NFKBIE: variants seen among roughly 807,000 people sequenced by gnomAD.
NFKBIE encodes NF-kappa-B inhibitor epsilon.
A neutral mutation model predicts 31.6 loss-of-function variants in NFKBIE; 11 were observed. The observed-to-expected ratio is 0.35, with a 90% CI of 0.22 to 0.58. The LOEUF is 0.58. Ranked by LOEUF, NFKBIE falls within the 20% of genes least tolerant of loss-of-function variation. The pLI, the probability that NFKBIE is intolerant of heterozygous loss-of-function variation, is 0.83. For synonymous variants in NFKBIE, 208 were observed against 210.1 expected, an observed-to-expected ratio of 0.99 and a Z score of 0.09; for missense variants, 354 against 465.7, an observed-to-expected ratio of 0.76 and a Z score of 2.21.
chr6:44,265,506 C>T lies in NFKBIE; in HGVS notation c.-160G>A. 1 of 1,545,626 alleles carries T rather than the reference C, an allele frequency of 6.5e-7. No homozygotes were observed. Reference sequence around the variant, plus strand: ...GGGGCTCCGAGGGGCCGGCGCGCAGCGAGGACAAGGTTCGGAGCGCTGGCC... The same window carrying T: ...GGGGCTCCGAGGGGCCGGCGCGCAGTGAGGACAAGGTTCGGAGCGCTGGCC... On this transcript the variant is annotated 5_prime_UTR_variant, in exon 1 of 6. Transcript: ENST00000619360.
intron 5 of NFKBIE, 119 bp downstream of exon 5, chr6:44,259,924 G>C: frequency 7.1e-7 from 1 of 1,417,926 alleles, no homozygotes; most frequent in South Asian, 1.5e-5. Context: ...CAGTTGGTCA[G>C]TGGCAGAGTC....
Position 44,261,605 on chromosome 6 carries a change from A to T in NFKBIE, c.691+21T>A, listed in dbSNP as rs780811719. 6.2e-7 allele frequency: 1 copy of T among 1,609,376 alleles called. No individual in the cohort carries two copies. The highest frequency in any genetic ancestry group is 1.1e-5 in the South Asian group (1 of 90,828). On this transcript the variant is annotated intron_variant, in intron 3 of 5. Transcript: ENST00000619360. This position sits in a 1 kb window ranked among gnomAD's most constrained non-coding sequence, Gnocchi z 4.3. ...TCCTCATCCCACAGGCCCTAAGGGC[A>T]GTCTTAAAGACTGTCCACACCTTGC...
At chr6:44,259,364 T>A (rs1420251627) in intron 5 of NFKBIE, 80 bp from the exon 6 acceptor site, 4 of 1,009,154 alleles carry the variant, frequency 4.0e-6, no homozygotes, top group Non-Finnish European at 6.3e-6. Context: ...GGGAAACCTG[T>A]TGGGCCACTC....
rs1554142187 is a variant in NFKBIE at position 44,260,864 on chromosome 6, C to CACACAG, written c.692-326_692-325insCTGTGT. On this transcript the variant is annotated intron_variant, in intron 3 of 5. Coordinates refer to ENST00000619360, the MANE Select transcript of NFKBIE (RefSeq NM_004556.3). The surrounding 1 kb of genome is among the most constrained non-coding windows in gnomAD (Gnocchi z 5.5). ...ACACACACACACACACATACAGACA[C>CACACAG]ACACACACACACACACACACACACA... Among the ~76,000 whole-genome samples the CACACAG allele has an allele frequency of 0.04, 4,237 of 107,190 alleles. 112 individuals carry two copies. The highest frequency in any genetic ancestry group is 0.075 in the Admixed American group (903 of 12,050). The allele number at this position is 107,190 out of a possible 152,430, so 70.3% of individuals were successfully genotyped here.
At position 44,261,645 on chromosome 6, in the gene NFKBIE, G is replaced by A; in HGVS notation, c.672C>T (p.Leu224=). The A allele has an allele frequency of 9.3e-6, 15 of 1,614,170 alleles. 1 individual carries two copies. Among genetic ancestry groups the A allele is most frequent in the Non-Finnish European group, 1.3e-5 (15 of 1,180,006 alleles). ...CCACACCTTGCCAGTTTTGCAGCTG[G>A]AGGTCCAGAGAGTGAGATGTTCCTC... ...PGRGTSHSLD[L]QLQNWQGLAC... is the part of the protein sequence containing the mutation. Residue 224 remains leucine, a synonymous_variant, in exon 3 of 6, where the codon CTC becomes CTT. Coordinates refer to ENST00000619360, the MANE Select transcript of NFKBIE (RefSeq NM_004556.3). The surrounding 1 kb of genome is among the most constrained non-coding windows in gnomAD (Gnocchi z 4.3).
rs961453119 is a variant in NFKBIE at position 44,265,296 on chromosome 6, G to A, written c.51C>T (p.Asp17=). 2 of 1,549,398 alleles carry A rather than the reference G, an allele frequency of 1.3e-6. No individual in the cohort carries two copies. The highest frequency in any genetic ancestry group is 1.4e-5 in the African/African-American group (1 of 73,344). The part of the protein sequence containing the change: ...GPDEAEESQY[D]SGIESLRSLR... ...GAGAGCGCAGAGACTCAATGCCAGAGTCGTACTGGCTCTCCTCCGCCTCGT... is the reference window on the plus strand; with the variant it reads ...GAGAGCGCAGAGACTCAATGCCAGAATCGTACTGGCTCTCCTCCGCCTCGT... Residue 17 remains aspartate (D), a synonymous_variant, in exon 1 of 6, where the codon GAC becomes GAT. Transcript: ENST00000619360.
rs1210522906 is a variant in NFKBIE, at chr6:44,265,351, G to A, written c.-5C>T. ...CCCCTTCCGCGCCTCCGACATGCCC[G>A]CGGCTCTGGCCGGCCGGGGCCCGGT... On this transcript the variant is annotated 5_prime_UTR_variant, in exon 1 of 6. Coordinates refer to ENST00000619360, the MANE Select transcript of NFKBIE (RefSeq NM_004556.3). The A allele has an allele frequency of 1.3e-6, 2 of 1,557,902 alleles. No homozygotes were observed. The highest frequency in any genetic ancestry group is 1.7e-6 in the Non-Finnish European group (2 of 1,157,614).
chr6:44,261,902 G>A lies in NFKBIE; in HGVS notation c.469-54C>T, dbSNP rs1194525358. 3 of 1,502,546 alleles carry A rather than the reference G, an allele frequency of 2.0e-6. No homozygotes were observed. Among genetic ancestry groups the A allele is most frequent in the African/African-American group, 2.8e-5 (2 of 72,542 alleles). The allele number at this position is 1,502,546 out of a possible 1,614,324, so 93.1% of individuals were successfully genotyped here. A position where few individuals can be genotyped will look rare whatever the true frequency, so the allele number is the denominator to read the frequency against. ...CCACTGCAGCATGCTCCCACCTCTG[G>A]GAACATGCTTGGGCTCAAGAATCAC... is the stretch of plus-strand genomic sequence containing the variant. On this transcript the variant is annotated intron_variant, in intron 2 of 5. Transcript: ENST00000619360. This position sits in a 1 kb window ranked among gnomAD's most constrained non-coding sequence, Gnocchi z 4.3.
At position 44,265,218 on chromosome 6, in the gene NFKBIE, G is replaced by A; in HGVS notation, c.129C>T (p.Gly43=). 1 of 1,552,142 alleles carries A rather than the reference G, an allele frequency of 6.4e-7. No homozygotes were observed. The highest frequency in any genetic ancestry group is 8.7e-7 in the Non-Finnish European group (1 of 1,147,290). Residue 43 remains glycine, a synonymous_variant, in exon 1 of 6, where the codon GGC becomes GGT. Coordinates refer to ENST00000619360, the MANE Select transcript of NFKBIE (RefSeq NM_004556.3). Reference sequence around the variant, plus strand: ...GAGGATGGGTGCAGGGCTGGGGGCTGCCGTCCGAGGGCCCGGAGGCTGGAG... The same window carrying A: ...GAGGATGGGTGCAGGGCTGGGGGCTACCGTCCGAGGGCCCGGAGGCTGGAG... ...TSAPASGPSD[G]SPQPCTHPPG...
At position 44,265,373 on chromosome 6, in the gene NFKBIE, C is replaced by T. The variant is rs377641691; in HGVS notation, c.-27G>A. ...CCCGCGGCTCTGGCCGGCCGGGGCC[C>T]GGTCTGAGCAGGATCCGGCTCCAGG... On this transcript the variant is annotated 5_prime_UTR_variant, in exon 1 of 6. Transcript: ENST00000619360. The T allele has an allele frequency of 1.9e-6, 3 of 1,564,020 alleles. No individual in the cohort carries two copies. Among genetic ancestry groups the T allele is most frequent in the Middle Eastern group, 2.1e-4 (1 of 4,744 alleles).
Position 44,260,441 on chromosome 6 carries a change from G to C in NFKBIE, c.780+10C>G, listed in dbSNP as rs753841899. On this transcript the variant is annotated intron_variant, in intron 4 of 5. Coordinates refer to ENST00000619360, the MANE Select transcript of NFKBIE (RefSeq NM_004556.3). The surrounding 1 kb of genome is among the most constrained non-coding windows in gnomAD (Gnocchi z 5.5). ...CCCTGGGCCGGGCAGTGCTTTGCTG[G>C]CTGTCTCACCTGCACATCAATGTCA... is the stretch of plus-strand genomic sequence containing the variant. 58 of 1,614,180 alleles carry C rather than the reference G, an allele frequency of 3.6e-5. No homozygotes were observed. Among genetic ancestry groups the C allele is most frequent in the Non-Finnish European group, 4.8e-5 (57 of 1,180,006 alleles).
chr6:44,260,207 G>A lies in NFKBIE; in HGVS notation c.856C>T (p.Gln286Ter), dbSNP rs1437215028. ...CGGGCATCTACCTGGGCACCAGCCTGGAGCAGGAACTGTACCAGGCCCCGC... is the reference window on the plus strand; with the variant it reads ...CGGGCATCTACCTGGGCACCAGCCTAGAGCAGGAACTGTACCAGGCCCCGC... ...QERGLVQFLLQAGAQVDARML... is the reference protein window; with the variant it reads ...QERGLVQFLL Residue 286 changes from glutamine (Q) to a stop codon, truncating the protein, a stop_gained, in exon 5 of 6, where the codon CAG (glutamine) becomes TAG (stop). Coordinates refer to ENST00000619360, the MANE Select transcript of NFKBIE (RefSeq NM_004556.3). LOFTEE classifies it high-confidence loss of function. This position sits in a 1 kb window ranked among gnomAD's most constrained non-coding sequence, Gnocchi z 5.5. 6.2e-7 allele frequency: 1 copy of A among 1,614,204 alleles called. No homozygotes were observed.
intron 2 of NFKBIE, among the ~76,000 whole-genome samples, chr6:44,262,050 T>C (rs1781942394): frequency 6.6e-6 from 1 of 152,202 alleles, no homozygotes; most frequent in Non-Finnish European, 1.5e-5. Context: ...ATCCCAATTC[T>C]GGAAGCAAGG....
Position 44,260,848 on chromosome 6 carries a change from CACACACAT to C in NFKBIE, c.692-317_692-310del, listed in dbSNP as rs1781876243. ...TACAACACACACACACACACACACA[CACACACAT>C]ACAGACACACACACACACACACACA... On this transcript the variant is annotated intron_variant, in intron 3 of 5. Coordinates refer to ENST00000619360, the MANE Select transcript of NFKBIE (RefSeq NM_004556.3). This position sits in a 1 kb window ranked among gnomAD's most constrained non-coding sequence, Gnocchi z 5.5. Among the ~76,000 whole-genome samples, 1 of 84,598 alleles carries C rather than the reference CACACACAT, an allele frequency of 1.2e-5. No individual in the cohort carries two copies. The highest frequency in any genetic ancestry group is 5.5e-4 in the South Asian group (1 of 1,820). 55.5% of individuals were successfully genotyped at this position (84,598 alleles called of 152,430 possible).
chr6:44,265,440 G>A lies in NFKBIE; in HGVS notation c.-94C>T, dbSNP rs755968279. On this transcript the variant is annotated 5_prime_UTR_variant, in exon 1 of 6. Transcript: ENST00000619360. ...TTCCGGGTTGCGGGTCCGCTTGGCAGAGCGGGCGCCCGGCCCGCGGCGGCC... is the reference window on the plus strand; with the variant it reads ...TTCCGGGTTGCGGGTCCGCTTGGCAAAGCGGGCGCCCGGCCCGCGGCGGCC... 5.9e-6 allele frequency: 9 copies of A among 1,519,134 alleles called. No homozygotes were observed. Among genetic ancestry groups the A allele is most frequent in the Non-Finnish European group, 7.0e-6 (8 of 1,140,384 alleles). The allele number at this position is 1,519,134 out of a possible 1,614,324, so 94.1% of individuals were successfully genotyped here.
rs28362859 is a variant in NFKBIE at position 44,261,078 on chromosome 6, A to C, written c.692-539T>G. ...ATTTCGATTCAAATTTACATTCTTC[A>C]CCTTCCTCAGGGCGCTATTCAGATG... On this transcript the variant is annotated intron_variant, in intron 3 of 5. Transcript: ENST00000619360. This position sits in a 1 kb window ranked among gnomAD's most constrained non-coding sequence, Gnocchi z 4.3. 0.039 allele frequency among the ~76,000 whole-genome samples: 5,882 copies of C among 151,992 alleles called. 209 individuals carry two copies. The highest frequency in any genetic ancestry group is 0.17 in the East Asian group (892 of 5,164).
At position 44,261,557 on chromosome 6, in the gene NFKBIE, T is replaced by C. The variant is rs1196703294; in HGVS notation, c.691+69A>G. ...GCTGGGACCCTCCCTTCCCCAAGAG[T>C]GAGGTCCCTATCTCCTATGCCCTCC... On this transcript the variant is annotated intron_variant, in intron 3 of 5. Coordinates refer to ENST00000619360, the MANE Select transcript of NFKBIE (RefSeq NM_004556.3). The surrounding 1 kb of genome is among the most constrained non-coding windows in gnomAD (Gnocchi z 4.3). The C allele has an allele frequency of 6.6e-7, 1 of 1,518,038 alleles. No homozygotes were observed. Among genetic ancestry groups the C allele is most frequent in the East Asian group, 2.3e-5 (1 of 43,414 alleles). The allele number at this position is 1,518,038 out of a possible 1,614,324, so 94.0% of individuals were successfully genotyped here.
chr6:44,265,044 G>A lies in NFKBIE; in HGVS notation c.303C>T (p.His101=). 2 of 1,584,046 alleles carry A rather than the reference G, an allele frequency of 1.3e-6. No individual in the cohort carries two copies. The highest frequency in any genetic ancestry group is 1.7e-6 in the Non-Finnish European group (2 of 1,165,148). The change falls in exon 1 of 6, where the codon CAC becomes CAT. Residue 101 remains histidine (H), a synonymous_variant. Coordinates refer to ENST00000619360, the MANE Select transcript of NFKBIE (RefSeq NM_004556.3). ...EDPAPRLPLP[H]VGALSPQQLE... is the part of the protein sequence containing the mutation. Reference sequence around the variant, plus strand: ...GCTGCTGAGGGCTCAGCGCCCCCACGTGGGGGAGTGGCAGGCGTGGGGCCG... The same window carrying A: ...GCTGCTGAGGGCTCAGCGCCCCCACATGGGGGAGTGGCAGGCGTGGGGCCG...
rs1413323258 is a variant in NFKBIE, at chr6:44,265,358, T to C, written c.-12A>G. ...CGCGCCTCCGACATGCCCGCGGCTC[T>C]GGCCGGCCGGGGCCCGGTCTGAGCA... On this transcript the variant is annotated 5_prime_UTR_variant, in exon 1 of 6. Coordinates refer to ENST00000619360, the MANE Select transcript of NFKBIE (RefSeq NM_004556.3). 2.6e-5 allele frequency: 41 copies of C among 1,559,336 alleles called. No individual in the cohort carries two copies. The highest frequency in any genetic ancestry group is 3.4e-5 in the Non-Finnish European group (39 of 1,158,630).
Sources: allele counts gnomAD v4.1 joint callset (sites outside exome capture counted in the v4.1 genomes callset), GRCh38; gene constraint gnomAD v4.1.1; non-coding constraint Gnocchi (gnomAD v3.1); transcripts MANE v1.5; gene names NCBI Gene and HGNC (gene_info 2026-07-23, HGNC 2026-07-21).